Variants in RNF130 observed in about 807,000 individuals in gnomAD.
RNF130 encodes ring finger protein 130.
In RNF130, 21 loss-of-function variants were observed where a neutral mutation model predicts 44.6. The observed-to-expected ratio is 0.47, with a 90% CI of 0.33 to 0.68. The LOEUF is 0.68. Among genes scored for constraint, RNF130 ranks in the 30% least tolerant of loss-of-function variants. RNF130 has a pLI of 0.02. For missense variants in RNF130, 479 were observed against 560.6 expected (o/e 0.85, Z 1.47); for synonymous variants, 214 against 210.4 (o/e 1.02, Z -0.15).
intron 1 of RNF130, among the ~76,000 whole-genome samples, chr5:180,063,663 T>A (rs1582233723): frequency 6.6e-6 from 1 of 152,194 alleles, no homozygotes; most frequent in Non-Finnish European, 1.5e-5. Flanking sequence ...CTTATTTCAT[T>A]ACAAGAAAAT....
chr5:179,975,545 C>T (rs1403981510), intron 5 of RNF130, among the ~76,000 whole-genome samples: 3 of 152,162 alleles, frequency 2.0e-5, no homozygotes, highest in East Asian at 3.8e-4. Context: ...ACTGCACTGT[C>T]GCTACATGGC....
At chr5:179,947,013 C>T (rs536175009) in intron 7 of RNF130, among the ~76,000 whole-genome samples, 1 of 152,278 alleles carries the variant, frequency 6.6e-6, no homozygotes, top group South Asian at 2.1e-4. Context: ...ACACCTCTCT[C>T]CCTGAGGATG....
intron 1 of RNF130, among the ~76,000 whole-genome samples, chr5:180,041,531 A>T (rs1764417650): frequency 8.1e-6 from 1 of 123,546 alleles, no homozygotes; most frequent in Admixed American, 7.3e-5. Context: ...GCAAATCTTA[A>T]GAAGAAGCCC....
intron 1 of RNF130, among the ~76,000 whole-genome samples, chr5:180,045,618 G>A (rs973595571): frequency 2.6e-5 from 4 of 152,172 alleles, no homozygotes; most frequent in Non-Finnish European, 4.4e-5. Context: ...TTTACAGAGA[G>A]CTGATTGGCC....
intron 1 of RNF130, among the ~76,000 whole-genome samples, chr5:180,052,633 AAAATGTAAT>A (rs1249952372): frequency 1.3e-5 from 2 of 152,258 alleles, no homozygotes; most frequent in Non-Finnish European, 2.9e-5. Context: ...ACCATAATTT[AAAATGTAAT>A]GACAGGCCAG....
chr5:180,071,410 G>C, intron 1 of RNF130, 46 bp downstream of exon 1: 8 of 1,229,738 alleles, frequency 6.5e-6, no homozygotes, highest in African/African-American at 1.6e-5. Flanking sequence ...CGCCGCCTAC[G>C]CGGGATGCAG....
chr5:180,056,276 T>C (rs1469414468), intron 1 of RNF130, among the ~76,000 whole-genome samples: 1 of 149,882 alleles, frequency 6.7e-6, no homozygotes, highest in South Asian at 2.1e-4. Flanking sequence ...ACCCTAATAG[T>C]GTATGTATGA....
chr5:180,065,996 T>C (rs1765098771), intron 1 of RNF130, among the ~76,000 whole-genome samples: 1 of 152,194 alleles, frequency 6.6e-6, no homozygotes, highest in Non-Finnish European at 1.5e-5. Context: ...AAAAAGGTAA[T>C]ATCACAAACA....
chr5:179,970,291 T>C (rs2113707398), intron 6 of RNF130, 119 bp downstream of exon 6: 2 of 669,780 alleles, frequency 3.0e-6, no homozygotes, highest in African/African-American at 1.8e-5. Context: ...ATGGCAAATA[T>C]AGCCAGTGTT....
downstream of RNF130, among the ~76,000 whole-genome samples, chr5:179,952,920 C>T (rs967324543): frequency 3.3e-5 from 5 of 152,088 alleles, no homozygotes; most frequent in African/African-American, 4.8e-5. Context: ...GTTTTCCCTA[C>T]GAGATCACAA....
intron 8 of RNF130, among the ~76,000 whole-genome samples, chr5:179,958,341 T>A (rs543771925): frequency 1.2e-4 from 19 of 152,336 alleles, no homozygotes; most frequent in Non-Finnish European, 2.1e-4. Flanking sequence ...GAAATTTGTT[T>A]CAGTTACACA....
At chr5:179,943,055 C>T (rs1352101469) in intron 7 of RNF130, among the ~76,000 whole-genome samples, 4 of 152,072 alleles carry the variant, frequency 2.6e-5, no homozygotes, top group Non-Finnish European at 5.9e-5. Context: ...ATTAGTTGGG[C>T]GTGGTGGCAC....
At chr5:180,069,268 C>T (rs1365897136) in intron 1 of RNF130, among the ~76,000 whole-genome samples, 1 of 152,150 alleles carries the variant, frequency 6.6e-6, no homozygotes, top group East Asian at 1.9e-4. Flanking sequence ...TTGTTCACTG[C>T]TGTTGCCTCT....
At chr5:180,027,135 C>A (rs1200454779) in intron 2 of RNF130, among the ~76,000 whole-genome samples, 1 of 152,138 alleles carries the variant, frequency 6.6e-6, no homozygotes. Flanking sequence ...AAAACTGGCA[C>A]AGGAGCAGGA....
chr5:180,046,116 G>T (rs77046728), intron 1 of RNF130, among the ~76,000 whole-genome samples: 39 of 152,286 alleles, frequency 2.6e-4, no homozygotes, highest in African/African-American at 9.4e-4. Flanking sequence ...ATCTGTGCGC[G>T]GTGGACCGCG....
At chr5:179,921,499 T>A (rs1761630015) in intron 7 of RNF130, among the ~76,000 whole-genome samples, 1 of 152,252 alleles carries the variant, frequency 6.6e-6, no homozygotes, top group African/African-American at 2.4e-5. Flanking sequence ...ACTGCCAGGC[T>A]GTTCTAAGAT....
rs911327355 is a variant in RNF130 at position 179,955,318 on chromosome 5, G to A, written c.*336C>T. 3 of 237,960 alleles carry A rather than the reference G, an allele frequency of 1.3e-5. No individual in the cohort carries two copies. Among genetic ancestry groups the A allele is most frequent in the Admixed American group, 5.4e-5 (1 of 18,408 alleles). 14.7% of individuals were successfully genotyped at this position (237,960 alleles called of 1,614,324 possible). A position where few individuals can be genotyped will look rare whatever the true frequency, so the allele number is the denominator to read the frequency against. On this transcript the variant is annotated 3_prime_UTR_variant, in exon 9 of 9. Coordinates refer to ENST00000521389, the MANE Select transcript of RNF130 (RefSeq NM_018434.6). ...GCTCTTGCGCCCTATGTGGGTAGGA[G>A]CCAATGTGAAGACACCAATAGTAAG...
intron 3 of RNF130, among the ~76,000 whole-genome samples, chr5:180,001,777 G>T (rs574826965): frequency 6.6e-6 from 1 of 152,328 alleles, no homozygotes; most frequent in South Asian, 2.1e-4. Context: ...CAGCATGGGA[G>T]GGGAGGATAG....
intron 7 of RNF130, among the ~76,000 whole-genome samples, chr5:179,925,036 T>C (rs191648800): frequency 3.0e-4 from 45 of 152,256 alleles, no homozygotes; most frequent in Non-Finnish European, 6.2e-4. Context: ...ATCTGCCATA[T>C]TGTGAAAAGT....
Sources: allele counts gnomAD v4.1 joint callset (sites outside exome capture counted in the v4.1 genomes callset), GRCh38; gene constraint gnomAD v4.1.1; transcripts MANE v1.5; gene names NCBI Gene and HGNC (gene_info 2026-07-23, HGNC 2026-07-21).